Variants in PLXNA1 observed in about 807,000 individuals in gnomAD.
PLXNA1 encodes plexin-A1.
Under a neutral mutation model 191.7 loss-of-function variants are expected in PLXNA1, and 77 were observed. That is an observed-to-expected ratio of 0.40 (90% confidence interval 0.33 to 0.49). The LOEUF (loss-of-function observed/expected upper bound fraction) is 0.49. Ranked by LOEUF, PLXNA1 falls within the 20% of genes least tolerant of loss-of-function variation. The pLI, the probability that PLXNA1 is intolerant of heterozygous loss-of-function variation, is 0.63. For synonymous variants in PLXNA1, 1,137 were observed against 1,156.4 expected (o/e 0.98, Z 0.34); for missense variants, 2,110 against 2,660.2 (o/e 0.79, Z 4.55).
At chr3:127,021,660 T>C (rs1003036381) in intron 21 of PLXNA1, among the ~76,000 whole-genome samples, 1 of 152,170 alleles carries the variant, frequency 6.6e-6, no homozygotes, top group Non-Finnish European at 1.5e-5. Context: ...GATGGGGGCA[T>C]TGAGTTGGAC....
At chr3:127,014,673 C>A in intron 13 of PLXNA1, 38 bp from the exon 14 acceptor site, 6 of 1,578,420 alleles carry the variant, frequency 3.8e-6, no homozygotes, top group Non-Finnish European at 4.3e-6. Flanking sequence ...CGGGACGGGG[C>A]GGGGCTCCTG....
In PLXNA1 at chr3:127,018,467, C is replaced by T. The variant is rs2079136613; in HGVS notation, c.3834C>T (p.Leu1278=). Residue 1278 remains leucine (L), a synonymous_variant, in exon 20 of 32, where the codon CTC becomes CTT. Transcript: ENST00000393409. ...AGTCACGAGATGCTGACCGCACACT[C>T]AAGCGGCTGCAGCTCCAGATGGACA... ...KRKSRDADRT[L]KRLQLQMDNL... The T allele has an allele frequency of 1.2e-6, 2 of 1,612,838 alleles. No homozygotes were observed. Among genetic ancestry groups the T allele is most frequent in the South Asian group, 1.1e-5 (1 of 91,076 alleles).
intron 1 of PLXNA1, among the ~76,000 whole-genome samples, chr3:126,986,804 C>T (rs1254140250): frequency 6.6e-6 from 1 of 152,184 alleles, no homozygotes; most frequent in Non-Finnish European, 1.5e-5. Flanking sequence ...GCAGGCAGCC[C>T]CACACTGCAT....
intron 23 of PLXNA1, chr3:127,026,488 C>T (rs1417514515): frequency 6.6e-6 from 1 of 152,238 alleles, no homozygotes; most frequent in African/African-American, 2.4e-5. Context: ...AACCCTCGGA[C>T]AGGTGTCTGA....
chr3:127,004,053 G>T (rs773770486), intron 4 of PLXNA1, among the ~76,000 whole-genome samples: 3 of 152,216 alleles, frequency 2.0e-5, no homozygotes, highest in African/African-American at 7.2e-5. Context: ...GTGGGGCCAG[G>T]TTGGGCACAC....
chr3:126,996,687 G>A (rs116829774), intron 3 of PLXNA1, among the ~76,000 whole-genome samples: 2 of 152,222 alleles, frequency 1.3e-5, no homozygotes, highest in African/African-American at 4.8e-5. Flanking sequence ...AGAGGCTGCT[G>A]TCCCCCACCA....
At chr3:127,009,841 G>T (rs1362289782) in intron 9 of PLXNA1, among the ~76,000 whole-genome samples, 1 of 152,244 alleles carries the variant, frequency 6.6e-6, no homozygotes, top group East Asian at 1.9e-4. Context: ...CTGGTGCTGT[G>T]TGCCAGGGCC....
intron 9 of PLXNA1, among the ~76,000 whole-genome samples, chr3:127,010,614 C>T (rs1268675661): frequency 3.3e-5 from 5 of 152,070 alleles, no homozygotes; most frequent in African/African-American, 1.2e-4. Flanking sequence ...AGGGGCCAGC[C>T]ACATTGGCCT....
At position 126,989,598 on chromosome 3, in the gene PLXNA1, C is replaced by A; in HGVS notation, c.1005C>A (p.Asp335Glu). 3 of 1,613,240 alleles carry A rather than the reference C, an allele frequency of 1.9e-6. No homozygotes were observed. Residue 335 changes from aspartate (D) to glutamate (E), a missense_variant, in exon 2 of 32, where the codon GAC (aspartate) becomes GAA (glutamate). Coordinates refer to ENST00000393409, the MANE Select transcript of PLXNA1 (RefSeq NM_032242.4). ...AHQLGLAEDEDVLFTVFAQGQ... is the reference protein window; with the variant it reads ...AHQLGLAEDEEVLFTVFAQGQ... ...AGCTGGGCCTGGCTGAGGACGAGGACGTGCTGTTCACTGTGTTCGCCCAGG... is the reference window on the plus strand; with the variant it reads ...AGCTGGGCCTGGCTGAGGACGAGGAAGTGCTGTTCACTGTGTTCGCCCAGG...
chr3:127,032,679 C>A lies in PLXNA1; in HGVS notation c.5445-7C>A, dbSNP rs1010561989. The A allele has an allele frequency of 3.7e-6, 6 of 1,612,794 alleles. No homozygotes were observed. The highest frequency in any genetic ancestry group is 4.2e-6 in the Non-Finnish European group (5 of 1,179,812). ...GCTCATGTGCCCACCTGGCCACTCACCTGCAGGTACTATGCAGACATCGCC... is the reference window on the plus strand; with the variant it reads ...GCTCATGTGCCCACCTGGCCACTCAACTGCAGGTACTATGCAGACATCGCC... On this transcript the variant is annotated splice_region_variant and splice_polypyrimidine_tract_variant and intron_variant, in intron 30 of 31. Transcript: ENST00000393409.
intron 3 of PLXNA1, among the ~76,000 whole-genome samples, chr3:126,999,102 G>A (rs2079027687): frequency 6.6e-6 from 1 of 152,158 alleles, no homozygotes; most frequent in Non-Finnish European, 1.5e-5. Context: ...GGGTCCGCTG[G>A]GGCCTACCTC....
At chr3:127,021,763 A>C (rs1400585392) in intron 21 of PLXNA1, among the ~76,000 whole-genome samples, 1 of 152,098 alleles carries the variant, frequency 6.6e-6, no homozygotes, top group East Asian at 1.9e-4. Context: ...CTCATTCTGC[A>C]CCCAGCCGCA....
chr3:127,032,630 G>A, intron 30 of PLXNA1, 31 bp downstream of exon 30: 2 of 1,609,872 alleles, frequency 1.2e-6, no homozygotes, highest in Non-Finnish European at 1.7e-6. Flanking sequence ...TCGGGGGCAG[G>A]GGCCCGGGGG....
chr3:127,002,106 G>A (rs935888894), intron 3 of PLXNA1, among the ~76,000 whole-genome samples: 7 of 152,232 alleles, frequency 4.6e-5, no homozygotes, highest in South Asian at 2.1e-4. Flanking sequence ...CTGGGCGGCC[G>A]TGGCCTGGTT....
intron 1 of PLXNA1, among the ~76,000 whole-genome samples, chr3:126,985,582 G>A (rs1233595878): frequency 1.3e-5 from 2 of 151,650 alleles, no homozygotes; most frequent in African/African-American, 4.9e-5. Flanking sequence ...CGGCCACAGT[G>A]GCCAGCTCTG....
intron 14 of PLXNA1, 55 bp from the exon 15 acceptor site, chr3:127,015,129 A>G: frequency 1.3e-6 from 2 of 1,573,110 alleles, no homozygotes; most frequent in Admixed American, 1.7e-5. Flanking sequence ...GCCTGTCCCC[A>G]TGTGGCCCGA....
In PLXNA1 at chr3:127,036,241, G is replaced by C. The variant is rs906956321; in HGVS notation, c.*2224G>C. The stretch of plus-strand genomic sequence containing the variant: ...CCAGTTCCTCACGGGTTAGGTAGGG[G>C]CTCCTGCATCACCTTCAGAATCCAG... On this transcript the variant is annotated 3_prime_UTR_variant, in exon 32 of 32. Coordinates refer to ENST00000393409, the MANE Select transcript of PLXNA1 (RefSeq NM_032242.4). The C allele has an allele frequency of 6.5e-6, 1 of 152,802 alleles. No individual in the cohort carries two copies. The highest frequency in any genetic ancestry group is 6.5e-5 in the Admixed American group (1 of 15,302). The allele number at this position is 152,802 out of a possible 1,614,324, so 9.5% of individuals were successfully genotyped here.
chr3:127,015,583 G>C (rs1024949350), intron 15 of PLXNA1, among the ~76,000 whole-genome samples: 1 of 152,226 alleles, frequency 6.6e-6, no homozygotes, highest in African/African-American at 2.4e-5. Context: ...GGGAAGGGGG[G>C]AATCCCTTGG....
Position 127,003,387 on chromosome 3 carries a change from G to T in PLXNA1, c.1435G>T (p.Val479Leu). The T allele has an allele frequency of 6.2e-7, 1 of 1,612,000 alleles. No individual in the cohort carries two copies. Among genetic ancestry groups the T allele is most frequent in the East Asian group, 2.2e-5 (1 of 44,848 alleles). ...GRPALAYESV[V>L]AQEGSPILRD... Reference sequence around the variant, plus strand: ...GCCTGCCCTGGCCTACGAGAGCGTCGTGGCCCAGGAGGGCAGCCCCATCCT... The same window carrying T: ...GCCTGCCCTGGCCTACGAGAGCGTCTTGGCCCAGGAGGGCAGCCCCATCCT... The change falls in exon 4 of 32, where the codon GTG (valine) becomes TTG (leucine). Residue 479 changes from valine (V) to leucine (L), a missense_variant. Physicochemically the swap from Val to Leu is conservative, Grantham distance 32. Transcript: ENST00000393409.
Sources: allele counts gnomAD v4.1 joint callset (sites outside exome capture counted in the v4.1 genomes callset), GRCh38; gene constraint gnomAD v4.1.1; transcripts MANE v1.5; gene names NCBI Gene and HGNC (gene_info 2026-07-23, HGNC 2026-07-21).